Variants in TTLL4 observed in about 807,000 individuals in gnomAD.
TTLL4 encodes tubulin monoglutamylase TTLL4.
In TTLL4, 85 loss-of-function variants were observed where a neutral mutation model predicts 122.7. That is an observed-to-expected ratio of 0.69 (90% CI 0.58 to 0.83). The LOEUF is 0.83. Among genes scored for constraint, TTLL4 ranks in the 40% least tolerant of loss-of-function variants. TTLL4 has a pLI of 0.00. For missense variants in TTLL4, 1,363 were observed against 1,488.6 expected, an observed-to-expected ratio of 0.92 and a Z score of 1.39; for synonymous variants, 553 against 563.0, an observed-to-expected ratio of 0.98 and a Z score of 0.25.
At position 218,754,409 on chromosome 2, in the gene TTLL4, C is replaced by A. The variant is rs774391420; in HGVS notation, c.*20C>A. On this transcript the variant is annotated 3_prime_UTR_variant, in exon 20 of 20. Coordinates refer to ENST00000392102, the MANE Select transcript of TTLL4 (RefSeq NM_014640.5). ...CCATAACTGGCCTCTCTCCAAAAGC[C>A]TCTGCCCAGGAGCATGGGCATCAGC... 3.7e-6 allele frequency: 6 copies of A among 1,613,338 alleles called. No individual in the cohort carries two copies. The South Asian group carries it at 6.6e-5, about 18-fold the overall frequency.
In TTLL4 at chr2:218,753,568, C is replaced by A. The variant is rs1486834040; in HGVS notation, c.3259-16C>A. The stretch of plus-strand genomic sequence containing the variant: ...TCCGCCAAGCCTTTTGGTCTCATTG[C>A]TTCCTTTGCTCTTAGTGGTCTCTCC... On this transcript the variant is annotated splice_polypyrimidine_tract_variant and intron_variant, in intron 18 of 19. Transcript: ENST00000392102. 1.2e-6 allele frequency: 2 copies of A among 1,613,740 alleles called. No homozygotes were observed. Among genetic ancestry groups the A allele is most frequent in the African/African-American group, 1.3e-5 (1 of 74,928 alleles).
intron 11 of TTLL4, 95 bp from the exon 12 acceptor site, chr2:218,748,010 G>C (rs1203120999): frequency 6.6e-7 from 1 of 1,520,846 alleles, no homozygotes; most frequent in Non-Finnish European, 9.0e-7. Flanking sequence ...CTGTGTACTT[G>C]TTCTACACCT....
At position 218,738,639 on chromosome 2, in the gene TTLL4, G is replaced by A. The variant is rs1942606986; in HGVS notation, c.963G>A (p.Leu321=). The A allele has an allele frequency of 6.2e-7, 1 of 1,614,088 alleles. No homozygotes were observed. Among genetic ancestry groups the A allele is most frequent in the African/African-American group, 1.3e-5 (1 of 74,920 alleles). Residue 321 remains leucine (L), a synonymous_variant, in exon 3 of 20, where the codon CTG becomes CTA. Coordinates refer to ENST00000392102, the MANE Select transcript of TTLL4 (RefSeq NM_014640.5). ...GGGCAGAGCCACTTTCCTGTGCTCT[G>A]GATGACAGCTCTGATTCCCAGGATC... ...AMRAEPLSCA[L]DDSSDSQDPT...
chr2:218,717,661 A>C (rs1050629576), intron 1 of TTLL4, among the ~76,000 whole-genome samples: 1 of 152,140 alleles, frequency 6.6e-6, no homozygotes, highest in African/African-American at 2.4e-5. Flanking sequence ...TTCCTCTCTT[A>C]GTAGGGCTTT....
intron 1 of TTLL4, among the ~76,000 whole-genome samples, chr2:218,714,818 A>G (rs1011282406): frequency 6.6e-6 from 1 of 152,034 alleles, no homozygotes; most frequent in Non-Finnish European, 1.5e-5. Context: ...TATATTGCCC[A>G]GGCTGGTCTC....
chr2:218,717,133 A>AT (rs1016679270), intron 1 of TTLL4, among the ~76,000 whole-genome samples: 66 of 146,970 alleles, frequency 4.5e-4, no homozygotes, highest in East Asian at 2.0e-3. Context: ...GATTTTTTGT[A>AT]TTTTTTTTTT....
At chr2:218,741,963 A>G (rs934807141) in intron 5 of TTLL4, among the ~76,000 whole-genome samples, 2 of 152,166 alleles carry the variant, frequency 1.3e-5, no homozygotes, top group Non-Finnish European at 1.5e-5. Context: ...ATGGAAATAT[A>G]TATTTTTATT....
chr2:218,724,102 T>C lies in TTLL4; in HGVS notation c.-177-3167T>C, dbSNP rs78316513. Among the ~76,000 whole-genome samples, 481 of 152,256 alleles carry C rather than the reference T, an allele frequency of 3.2e-3. 1 individual carries two copies. Among genetic ancestry groups the C allele is most frequent in the African/African-American group, 0.011 (460 of 41,546 alleles). ...AAACCAGTTCACACAGAGATATATG[T>C]GAGAGAGAATATGAATGAATAATAA... On this transcript the variant is annotated intron_variant, in intron 1 of 19. Coordinates refer to ENST00000392102, the MANE Select transcript of TTLL4 (RefSeq NM_014640.5).
intron 1 of TTLL4, among the ~76,000 whole-genome samples, chr2:218,715,005 CTG>C (rs1328793009): frequency 1.5e-4 from 23 of 151,566 alleles, no homozygotes; most frequent in African/African-American, 4.7e-4. Flanking sequence ...TTTACATTAA[CTG>C]TATGCTAACG....
rs1330746622 is a variant in TTLL4, at chr2:218,740,570, G to A, written c.1647G>A (p.Val549=). Residue 549 remains valine (V), a synonymous_variant, in exon 5 of 20, where the codon GTG becomes GTA. Transcript: ENST00000392102. ...GTGCTGTCTCCCCCAGCGAATCGGT[G>A]GCCATGATCTCTAGGTAAGTGTGGC... ...SLSAVSPSES[V]AMISRSCMEI... is the part of the protein sequence containing the mutation. 6.2e-7 allele frequency: 1 copy of A among 1,614,000 alleles called. No homozygotes were observed. The highest frequency in any genetic ancestry group is 2.2e-5 in the East Asian group (1 of 44,894).
intron 2 of TTLL4, among the ~76,000 whole-genome samples, chr2:218,731,883 G>A (rs1336437642): frequency 6.6e-6 from 1 of 152,166 alleles, no homozygotes; most frequent in African/African-American, 2.4e-5. Context: ...AAATAGGCTT[G>A]TTTTCTTCTA....
intron 2 of TTLL4, among the ~76,000 whole-genome samples, chr2:218,733,376 T>C (rs1942431991): frequency 6.6e-6 from 1 of 152,132 alleles, no homozygotes; most frequent in Admixed American, 6.5e-5. Flanking sequence ...CAGGCACGTC[T>C]TCACATGGCC....
chr2:218,739,546 A>C (rs1019329492), intron 3 of TTLL4, among the ~76,000 whole-genome samples: 2 of 152,244 alleles, frequency 1.3e-5, no homozygotes, highest in Non-Finnish European at 2.9e-5. Flanking sequence ...GAGAGAAATA[A>C]GAATTGTGAG....
At chr2:218,740,492 C>G (rs369785414) in intron 4 of TTLL4, 29 bp from the exon 5 acceptor site, 2 of 1,612,648 alleles carry the variant, frequency 1.2e-6, no homozygotes, top group Non-Finnish European at 1.7e-6. Flanking sequence ...CTCTTCTAGT[C>G]AGAATTTCTC....
Position 218,739,076 on chromosome 2 carries a change from C to T in TTLL4, c.1400C>T (p.Thr467Ile), listed in dbSNP as rs1243019387. 4 of 1,614,026 alleles carry T rather than the reference C, an allele frequency of 2.5e-6. No homozygotes were observed. The Admixed American group carries it at 5.0e-5, about 20-fold the overall frequency. The change falls in exon 3 of 20, where the codon ACC becomes ATC. Residue 467 changes from threonine (T) to isoleucine (I), a missense_variant. This residue lies in a region of TTLL4 where 760 missense variants were observed against 808.4 expected (regional missense o/e 0.94). Coordinates refer to ENST00000392102, the MANE Select transcript of TTLL4 (RefSeq NM_014640.5). ...ACTCTTGGCATAGCCAACGTGGCCA[C>T]CCGCCTCTCTTCCATCCAGCTGGGC... ...PQTLGIANVA[T>I]RLSSIQLGQS...
chr2:218,731,121 A>T (rs866257346), intron 2 of TTLL4, among the ~76,000 whole-genome samples: 20 of 150,686 alleles, frequency 1.3e-4, no homozygotes, highest in South Asian at 2.1e-4. Flanking sequence ...AAAAAAAAAA[A>T]AAGAATTGGC....
At chr2:218,744,828 C>T (rs1208584107) in intron 5 of TTLL4, among the ~76,000 whole-genome samples, 3 of 152,130 alleles carry the variant, frequency 2.0e-5, no homozygotes, top group African/African-American at 4.8e-5. Flanking sequence ...AGGGACTTTC[C>T]CAGCCAATGT....
chr2:218,714,529 C>T (rs1381606795), intron 1 of TTLL4, among the ~76,000 whole-genome samples: 1 of 152,142 alleles, frequency 6.6e-6, no homozygotes, highest in African/African-American at 2.4e-5. Context: ...CTTACCTTTT[C>T]TTCTGGCAGA....
rs924100369 is a variant in TTLL4, at chr2:218,749,296, C to T, written c.2644C>T (p.Arg882Trp). 6 of 1,614,014 alleles carry T rather than the reference C, an allele frequency of 3.7e-6. No individual in the cohort carries two copies. The highest frequency in any genetic ancestry group is 1.7e-5 in the Admixed American group (1 of 59,996). Reference sequence around the variant, plus strand: ...CAGCCTGCTCAAGATGTATGTGCGACGGCCCTATAGCTGCCATGAACTCTT... The same window carrying T: ...CAGCCTGCTCAAGATGTATGTGCGATGGCCCTATAGCTGCCATGAACTCTT... ...VTSLLKMYVR[R>W]PYSCHELFGF... is the part of the protein sequence containing the mutation. The change falls in exon 14 of 20, where the codon CGG (arginine) becomes TGG (tryptophan). Residue 882 changes from arginine (R) to tryptophan (W), a missense_variant. Arg to Trp is a moderately radical substitution (Grantham distance 101). Transcript: ENST00000392102.
Sources: allele counts gnomAD v4.1 joint callset (sites outside exome capture counted in the v4.1 genomes callset), GRCh38; gene constraint gnomAD v4.1.1; regional missense constraint gnomAD v4.1.1; transcripts MANE v1.5; gene names NCBI Gene and HGNC (gene_info 2026-07-23, HGNC 2026-07-21).